The following ARHGAP1 variants were observed in gnomAD, a reference collection of about 807,000 sequenced individuals.
ARHGAP1 encodes Rho GTPase activating protein 1, also known as rho GTPase-activating protein 1.
In ARHGAP1, 23 loss-of-function variants were observed where a neutral mutation model predicts 52.2. The observed-to-expected ratio is 0.44, with a 90% CI of 0.32 to 0.62. ARHGAP1 has a LOEUF of 0.62. Ranked by LOEUF, ARHGAP1 falls within the 20% of genes least tolerant of loss-of-function variation. The pLI, the probability that ARHGAP1 is intolerant of heterozygous loss-of-function variation, is 0.05. For missense variants in ARHGAP1, 480 were observed against 560.9 expected (o/e 0.86, Z 1.46); for synonymous variants, 210 against 228.4 (o/e 0.92, Z 0.73).
rs1002692824 is a variant in ARHGAP1 at position 46,682,512 on chromosome 11, C to T, written c.318-330G>A. ...CAGCCTGGCCAACATGGTGAAACCC[C>T]ATCTCTACTAAAAATGCAAAAATTA... On this transcript the variant is annotated intron_variant, in intron 4 of 12. Coordinates refer to ENST00000311956, the MANE Select transcript of ARHGAP1 (RefSeq NM_004308.5). Among the ~76,000 whole-genome samples, 3 of 152,276 alleles carry T rather than the reference C, an allele frequency of 2.0e-5. No individual in the cohort carries two copies. In the East Asian group the frequency reaches 5.8e-4, roughly 29 times the overall value.
chr11:46,699,475 C>T (rs182326766), intron 1 of ARHGAP1, among the ~76,000 whole-genome samples: 7 of 151,684 alleles, frequency 4.6e-5, no homozygotes, highest in African/African-American at 1.2e-4. Flanking sequence ...GAGGCCGAGG[C>T]GGGCGGATCA....
intron 4 of ARHGAP1, among the ~76,000 whole-genome samples, chr11:46,682,467 T>A (rs191506934): frequency 6.6e-6 from 1 of 152,340 alleles, no homozygotes; most frequent in African/African-American, 2.4e-5. Context: ...GTGGATCACC[T>A]GAGGTCAGGA....
Position 46,679,229 on chromosome 11 carries a change from T to G in ARHGAP1, c.1132-4A>C, listed in dbSNP as rs1356575610. 1 of 1,597,440 alleles carries G rather than the reference T, an allele frequency of 6.3e-7. No homozygotes were observed. The highest frequency in any genetic ancestry group is 2.2e-5 in the East Asian group (1 of 44,688). ...TCTGGTCACTGTGTGCAGAAATCTG[T>G]GGAGGGAATCAGGGACTGCAGCAGG... On this transcript the variant is annotated splice_polypyrimidine_tract_variant and splice_region_variant and intron_variant, in intron 12 of 12. Coordinates refer to ENST00000311956, the MANE Select transcript of ARHGAP1 (RefSeq NM_004308.5). This position sits in a 1 kb window ranked among gnomAD's most constrained non-coding sequence, Gnocchi z 4.4.
In ARHGAP1 at chr11:46,689,776, C is replaced by T. The variant is rs192542038; in HGVS notation, c.230-1516G>A. Among the ~76,000 whole-genome samples, 873 of 152,224 alleles carry T rather than the reference C, an allele frequency of 5.7e-3. 7 individuals are homozygous for T. The highest frequency in any genetic ancestry group is 0.014 in the Middle Eastern group (4 of 294). ...AGCTGGTCTCGAACTCCTGACGTCA[C>T]GATCCACCTGCCTTGGCCTCCCAAA... On this transcript the variant is annotated intron_variant, in intron 3 of 12. Coordinates refer to ENST00000311956, the MANE Select transcript of ARHGAP1 (RefSeq NM_004308.5).
chr11:46,683,920 ATGAGCCACTG>A (rs1234373108), intron 4 of ARHGAP1, among the ~76,000 whole-genome samples: 1 of 152,206 alleles, frequency 6.6e-6, no homozygotes, highest in Non-Finnish European at 1.5e-5. Context: ...GATTACAGGC[ATGAGCCACTG>A]CGCCCGGCCA....
intron 4 of ARHGAP1, 77 bp from the exon 5 acceptor site, chr11:46,682,259 G>C (rs2064534775): frequency 1.0e-5 from 16 of 1,578,286 alleles, no homozygotes; most frequent in Non-Finnish European, 1.4e-5. Context: ...AGCCCCAAGA[G>C]TCTCCCACCA....
chr11:46,694,439 C>T (rs1021335019), intron 3 of ARHGAP1, among the ~76,000 whole-genome samples: 2 of 152,080 alleles, frequency 1.3e-5, no homozygotes, highest in African/African-American at 4.8e-5. Flanking sequence ...ACCTACCTGG[C>T]TGGGCCCCCT....
At position 46,679,524 on chromosome 11, in the gene ARHGAP1, G is replaced by T; in HGVS notation, c.1028-56C>A. On this transcript the variant is annotated intron_variant, in intron 11 of 12. Coordinates refer to ENST00000311956, the MANE Select transcript of ARHGAP1 (RefSeq NM_004308.5). The surrounding 1 kb of genome is among the most constrained non-coding windows in gnomAD (Gnocchi z 4.4). ...GCCCTAGGCTGGGCTGGTTCAGGACGCTCTGATGCAGGCTAGAGGGGAGAC... is the reference window on the plus strand; with the variant it reads ...GCCCTAGGCTGGGCTGGTTCAGGACTCTCTGATGCAGGCTAGAGGGGAGAC... 6.2e-7 allele frequency: 1 copy of T among 1,607,412 alleles called. No homozygotes were observed. The highest frequency in any genetic ancestry group is 8.5e-7 in the Non-Finnish European group (1 of 1,174,968).
intron 4 of ARHGAP1, among the ~76,000 whole-genome samples, chr11:46,683,516 T>G (rs2064544265): frequency 6.6e-6 from 1 of 152,182 alleles, no homozygotes; most frequent in Non-Finnish European, 1.5e-5. Flanking sequence ...TTCCCTATTA[T>G]GCTCATGACA....
In ARHGAP1 at chr11:46,681,936, AG is replaced by A; in HGVS notation, c.449+114del. 1 of 1,453,712 alleles carries A rather than the reference AG, an allele frequency of 6.9e-7. No individual in the cohort carries two copies. Among genetic ancestry groups the A allele is most frequent in the South Asian group, 1.3e-5 (1 of 79,006 alleles). 90.1% of individuals were successfully genotyped at this position (1,453,712 alleles called of 1,614,324 possible). A position where few individuals can be genotyped will look rare whatever the true frequency, so the allele number is the denominator to read the frequency against. Reference sequence around the variant, plus strand: ...GATTCTTTACATTGACGTAGACGGCAGCCCCCGCCACCCCCTGCCTTGGAAT... The same window carrying A: ...GATTCTTTACATTGACGTAGACGGCACCCCCGCCACCCCCTGCCTTGGAAT... On this transcript the variant is annotated intron_variant, in intron 5 of 12. Transcript: ENST00000311956. This position sits in a 1 kb window ranked among gnomAD's most constrained non-coding sequence, Gnocchi z 5.7.
At chr11:46,682,962 A>G (rs2064540175) in intron 4 of ARHGAP1, among the ~76,000 whole-genome samples, 1 of 151,698 alleles carries the variant, frequency 6.6e-6, no homozygotes, top group Admixed American at 6.6e-5. Flanking sequence ...CAATGACCAG[A>G]GAGGTCAAGT....
chr11:46,689,551 T>C lies in ARHGAP1; in HGVS notation c.230-1291A>G, dbSNP rs143944946. On this transcript the variant is annotated intron_variant, in intron 3 of 12. Coordinates refer to ENST00000311956, the MANE Select transcript of ARHGAP1 (RefSeq NM_004308.5). Reference sequence around the variant, plus strand: ...TTATCTCAAATTATTATTACTATTATTTTTTTTTAGATGGAGTCTCACTCT... The same window carrying C: ...TTATCTCAAATTATTATTACTATTACTTTTTTTTAGATGGAGTCTCACTCT... Among the ~76,000 whole-genome samples the C allele has an allele frequency of 3.6e-3, 553 of 151,610 alleles. 1 individual carries two copies. Among genetic ancestry groups the C allele is most frequent in the Non-Finnish European group, 5.8e-3 (393 of 67,856 alleles).
At chr11:46,684,953 T>G (rs1297348310) in intron 4 of ARHGAP1, among the ~76,000 whole-genome samples, 1 of 151,834 alleles carries the variant, frequency 6.6e-6, no homozygotes, top group Non-Finnish European at 1.5e-5. Flanking sequence ...CTGAGTGTGG[T>G]GGTGCACGCC....
chr11:46,699,460 T>C (rs981634931), intron 1 of ARHGAP1, among the ~76,000 whole-genome samples: 1 of 152,042 alleles, frequency 6.6e-6, no homozygotes, highest in African/African-American at 2.4e-5. Flanking sequence ...ATCCCAGCAC[T>C]TTGGGAGGCC....
At chr11:46,693,459 G>A (rs1196934617) in intron 3 of ARHGAP1, among the ~76,000 whole-genome samples, 1 of 150,866 alleles carries the variant, frequency 6.6e-6, no homozygotes, top group Non-Finnish European at 1.5e-5. Flanking sequence ...AGGCTGGAGT[G>A]CAGTGGTTCA....
At chr11:46,683,116 G>A (rs1475094798) in intron 4 of ARHGAP1, among the ~76,000 whole-genome samples, 1 of 131,008 alleles carries the variant, frequency 7.6e-6, no homozygotes, top group Non-Finnish European at 1.6e-5. Context: ...ACAGCTCACC[G>A]CAGCCTTGAC....
chr11:46,682,221 C>T, intron 4 of ARHGAP1, 39 bp from the exon 5 acceptor site: 2 of 1,607,194 alleles, frequency 1.2e-6, no homozygotes, highest in Non-Finnish European at 1.7e-6. Flanking sequence ...GCCCTGTGCA[C>T]AGGGGCGGCC....
intron 1 of ARHGAP1, among the ~76,000 whole-genome samples, chr11:46,698,786 C>T (rs139148271): frequency 2.8e-4 from 43 of 152,178 alleles, no homozygotes; most frequent in African/African-American, 9.4e-4. Context: ...CCTTTCCCAG[C>T]ATAACTAAGC....
chr11:46,684,353 C>T (rs1305507050), intron 4 of ARHGAP1, among the ~76,000 whole-genome samples: 1 of 152,168 alleles, frequency 6.6e-6, no homozygotes, highest in Non-Finnish European at 1.5e-5. Context: ...TGATGTTTAT[C>T]AGAAGCTATA....
Sources: allele counts gnomAD v4.1 joint callset (sites outside exome capture counted in the v4.1 genomes callset), GRCh38; gene constraint gnomAD v4.1.1; non-coding constraint Gnocchi (gnomAD v3.1); transcripts MANE v1.5; gene names NCBI Gene and HGNC (gene_info 2026-07-23, HGNC 2026-07-21).